Variants in SCN4A observed in about 807,000 individuals in gnomAD.
The protein encoded by SCN4A is sodium voltage-gated channel alpha subunit 4.
SCN4A carries 83 observed loss-of-function variants against 162.0 expected under a neutral mutation model. The ratio of observed to expected loss-of-function variants is 0.51; its 90% CI spans 0.43 to 0.61. The LOEUF is 0.61. Ranked by LOEUF, SCN4A falls within the 20% of genes least tolerant of loss-of-function variation. The pLI, the probability that SCN4A is intolerant of heterozygous loss-of-function variation, is 0.00. For synonymous variants in SCN4A, 944 were observed against 985.1 expected (o/e 0.96, Z 0.78); for missense variants, 2,196 against 2,462.5 (o/e 0.89, Z 2.29).
chr17:63,951,881 G>C lies in SCN4A; in HGVS notation c.2396C>G (p.Ala799Gly). 6.5e-7 allele frequency: 1 copy of C among 1,540,964 alleles called. No homozygotes were observed. The highest frequency in any genetic ancestry group is 1.2e-5 in the South Asian group (1 of 83,934). ...GGCGCTGAAGGAGCTCAGCAGCAGA[G>C]CCAGGAACAGGTTCAGGACCTGGGG... ...GNLVVLNLFL[A>G]LLLSSFSADS... The change falls in exon 14 of 24, where the codon GCT (alanine) becomes GGT (glycine). Residue 799 changes from alanine (A) to glycine (G), a missense_variant. Transcript: ENST00000435607. This position sits in a 1 kb window ranked among gnomAD's most constrained non-coding sequence, Gnocchi z 4.5.
chr17:63,951,915 CA>C lies in SCN4A; in HGVS notation c.2377-16del, dbSNP rs1409170392. The C allele has an allele frequency of 1.3e-6, 2 of 1,486,372 alleles. No homozygotes were observed. Among genetic ancestry groups the C allele is most frequent in the African/African-American group, 1.4e-5 (1 of 72,304 alleles). 92.1% of individuals were successfully genotyped at this position (1,486,372 alleles called of 1,614,324 possible). On this transcript the variant is annotated splice_polypyrimidine_tract_variant and intron_variant, in intron 13 of 23. Coordinates refer to ENST00000435607, the MANE Select transcript of SCN4A (RefSeq NM_000334.4). This position sits in a 1 kb window ranked among gnomAD's most constrained non-coding sequence, Gnocchi z 4.5. ...AGGTTCAGGACCTGGGGCATGGGGTCAGGGGGAGCCTCACATCAGTCCCCGG... is the reference window on the plus strand; with the variant it reads ...AGGTTCAGGACCTGGGGCATGGGGTCGGGGGAGCCTCACATCAGTCCCCGG...
intron 18 of SCN4A, 35 bp downstream of exon 18, chr17:63,947,010 C>CAA: frequency 8.9e-5 from 66 of 743,570 alleles, no homozygotes; most frequent in Non-Finnish European, 1.3e-4. Flanking sequence ...GGTCCCCCAT[C>CAA]CCCAGCCCAC....
chr17:63,963,155 C>G (rs1189507022), intron 10 of SCN4A, among the ~76,000 whole-genome samples: 2 of 152,324 alleles, frequency 1.3e-5, no homozygotes, highest in African/African-American at 2.4e-5. Context: ...TTCACCCTCT[C>G]TCATCATGAC....
At chr17:63,954,748 C>T (rs571847622) in intron 13 of SCN4A, among the ~76,000 whole-genome samples, 24 of 152,236 alleles carry the variant, frequency 1.6e-4, no homozygotes, top group African/African-American at 5.3e-4. Context: ...CTCCCTGGGC[C>T]GTTCCACTCC....
At position 63,968,306 on chromosome 17, in the gene SCN4A, C is replaced by T. The variant is rs116802937; in HGVS notation, c.753G>A (p.Ser251=). The change falls in exon 6 of 24, where the codon TCG becomes TCA. Residue 251 remains serine (S), a synonymous_variant. Transcript: ENST00000435607. ...GALIQSVKKL[S]DVMILTVFCL... is the part of the protein sequence containing the mutation. The stretch of plus-strand genomic sequence containing the variant: ...AGAAGACAGTGAGGATCATCACATC[C>T]GACAGCTTTTTCACCGACTGGATCA... The T allele has an allele frequency of 1.6e-5, 25 of 1,610,538 alleles. No homozygotes were observed. In the African/African-American group the frequency reaches 2.1e-4, roughly 14 times the overall value.
intron 8 of SCN4A, among the ~76,000 whole-genome samples, chr17:63,965,489 T>C (rs1909409169): frequency 1.3e-5 from 2 of 151,280 alleles, no homozygotes; most frequent in Admixed American, 1.3e-4. Context: ...ACATCGAATT[T>C]CTGTCTTTCT....
In SCN4A at chr17:63,971,708, G is replaced by A. The variant is rs775231677; in HGVS notation, c.611+14C>T. 7.0e-6 allele frequency: 11 copies of A among 1,572,860 alleles called. No homozygotes were observed. The highest frequency in any genetic ancestry group is 5.8e-5 in the South Asian group (5 of 85,716). On this transcript the variant is annotated intron_variant, in intron 4 of 23. Coordinates refer to ENST00000435607, the MANE Select transcript of SCN4A (RefSeq NM_000334.4). ...CCCACCCCAGCCTCAGGATGTCCTG[G>A]GGCCCCTGCTCACGCCATCATGATG...
In SCN4A at chr17:63,971,232, G is replaced by A. The variant is rs765336936; in HGVS notation, c.633C>T (p.Asp211=). The change falls in exon 5 of 24, where the codon GAC becomes GAT. Residue 211 remains aspartate (D), a synonymous_variant. Transcript: ENST00000435607. Reference sequence around the variant, plus strand: ...TCCTCAGGGCTGAGATGTTGCCCAAGTCCACAAACTCTGTCAGGTACCTGG... The same window carrying A: ...TCCTCAGGGCTGAGATGTTGCCCAAATCCACAAACTCTGTCAGGTACCTGG... ...IMMAYLTEFV[D]LGNISALRTF... 1.3e-6 allele frequency: 2 copies of A among 1,561,814 alleles called. No homozygotes were observed. Among genetic ancestry groups the A allele is most frequent in the South Asian group, 2.4e-5 (2 of 84,816 alleles).
chr17:63,964,440 C>A, intron 9 of SCN4A, 28 bp downstream of exon 9: 2 of 1,604,664 alleles, frequency 1.2e-6, no homozygotes, highest in South Asian at 2.2e-5. Flanking sequence ...AACCCTGGGT[C>A]CTCTATCTCC....
intron 22 of SCN4A, 90 bp from the exon 23 acceptor site, chr17:63,943,186 C>T (rs1908600696): frequency 2.3e-6 from 3 of 1,287,038 alleles, no homozygotes; most frequent in Admixed American, 2.0e-5. Context: ...GATGGCACCA[C>T]AGCATGACAG....
chr17:63,959,559 C>G, intron 11 of SCN4A, 121 bp from the exon 12 acceptor site: 1 of 893,948 alleles, frequency 1.1e-6, no homozygotes, highest in Non-Finnish European at 1.8e-6. Context: ...GGTCCAGAGC[C>G]CTGAGAGGAG....
intron 18 of SCN4A, among the ~76,000 whole-genome samples, chr17:63,946,368 C>A (rs376062403): frequency 1.3e-5 from 2 of 151,980 alleles, no homozygotes; most frequent in South Asian, 4.2e-4. Context: ...CTTGGGGGGG[C>A]TCGCCATGGC....
intron 6 of SCN4A, among the ~76,000 whole-genome samples, chr17:63,967,302 G>A (rs973826453): frequency 1.3e-5 from 2 of 151,984 alleles, no homozygotes; most frequent in Admixed American, 6.6e-5. Context: ...ACAGGCATGC[G>A]TCACCACGCC....
In SCN4A at chr17:63,971,851, C is replaced by CACACCACCA; in HGVS notation, c.483-2_483-1insTGGTGGTGT. On this transcript the variant is annotated splice_acceptor_variant, in intron 3 of 23. Transcript: ENST00000435607. LOFTEE classifies it high-confidence loss of function. ...GGTGTAGATCCCTGTGAAGGTGTAC[C>CACACCACCA]TGGGGGGGAGAGGGCCGGCCGGGAC... 1 of 1,541,364 alleles carries CACACCACCA rather than the reference C, an allele frequency of 6.5e-7. No homozygotes were observed.
Position 63,945,300 on chromosome 17 carries a change from G to GA in SCN4A, c.3720+59_3720+60insT, listed in dbSNP as rs1908676968. The GA allele has an allele frequency of 1.5e-6, 2 of 1,330,746 alleles. No individual in the cohort carries two copies. Among genetic ancestry groups the GA allele is most frequent in the Non-Finnish European group, 9.9e-7 (1 of 1,006,450 alleles). The allele number at this position is 1,330,746 out of a possible 1,614,324, so 82.4% of individuals were successfully genotyped here. ...GACACTGGGGTTGGGTACAACGAGA[G>GA]GACCGGGGTGGGGGGCACCTCCATC... is the stretch of plus-strand genomic sequence containing the variant. On this transcript the variant is annotated intron_variant, in intron 19 of 23. Transcript: ENST00000435607. The surrounding 1 kb of genome is among the most constrained non-coding windows in gnomAD (Gnocchi z 4.4).
chr17:63,969,763 C>A (rs1909561596), intron 5 of SCN4A, among the ~76,000 whole-genome samples: 1 of 152,176 alleles, frequency 6.6e-6, no homozygotes, highest in Non-Finnish European at 1.5e-5. Context: ...CCTGCTCAGC[C>A]TCCCAGGTAG....
chr17:63,967,513 T>C (rs543018344), intron 6 of SCN4A, among the ~76,000 whole-genome samples: 1 of 152,250 alleles, frequency 6.6e-6, no homozygotes, highest in East Asian at 1.9e-4. Flanking sequence ...AGGAAGGTAT[T>C]GTTATCTTGA....
chr17:63,952,812 G>A (rs1049802681), intron 13 of SCN4A, among the ~76,000 whole-genome samples: 8 of 151,874 alleles, frequency 5.3e-5, no homozygotes, highest in Admixed American at 2.6e-4. Flanking sequence ...CTGAGCCCCC[G>A]TCACTGCATG....
chr17:63,972,321 CCTCCCGCCT>C lies in SCN4A; in HGVS notation c.392+22_392+30del, dbSNP rs754059021. The C allele has an allele frequency of 1.2e-6, 2 of 1,603,818 alleles. No individual in the cohort carries two copies. The highest frequency in any genetic ancestry group is 1.7e-6 in the Non-Finnish European group (2 of 1,172,926). Reference sequence around the variant, plus strand: ...CACCCCATCTCGCCCATCCCTAACCCCTCCCGCCTCTCCCATCTTGGGCAGGATATGCAT... The same window carrying C: ...CACCCCATCTCGCCCATCCCTAACCCCTCCCATCTTGGGCAGGATATGCAT... On this transcript the variant is annotated intron_variant, in intron 2 of 23. Coordinates refer to ENST00000435607, the MANE Select transcript of SCN4A (RefSeq NM_000334.4). The surrounding 1 kb of genome is among the most constrained non-coding windows in gnomAD (Gnocchi z 4.3).
Sources: gnomAD v4.1 joint callset for allele counts (sites outside exome capture counted in the v4.1 genomes callset) on GRCh38, gnomAD v4.1.1 for gene constraint, Gnocchi (gnomAD v3.1) non-coding constraint, MANE v1.5 for transcripts, NCBI Gene and HGNC (gene_info 2026-07-23, HGNC 2026-07-21) for gene names.